The following B3GALT1 variants were observed in gnomAD, a reference collection of about 807,000 sequenced individuals.
B3GALT1 encodes beta-1,3-galactosyltransferase 1, also known as UDP-Gal:betaGlcNAc beta 1,3-galactosyltransferase, polypeptide 1.
In B3GALT1, 10 loss-of-function variants were observed where a neutral mutation model predicts 23.2. The ratio of observed to expected loss-of-function variants is 0.43; its 90% CI spans 0.27 to 0.73. The LOEUF is 0.73. B3GALT1 is among the 30% of genes least tolerant of loss of function. The probability of loss-of-function intolerance (pLI) is 0.21; values close to 1 mark genes in which losing one functional copy is unlikely to be tolerated. For missense variants in B3GALT1, 299 were observed against 405.4 expected (o/e 0.74, Z 2.25); for synonymous variants, 156 against 141.5 (o/e 1.10, Z -0.73).
chr2:167,646,593 A>C (rs974225961), intron 2 of B3GALT1, among the ~76,000 whole-genome samples: 1 of 152,222 alleles, frequency 6.6e-6, no homozygotes, highest in Non-Finnish European at 1.5e-5. Flanking sequence ...ACAGCAGTGG[A>C]AAATCAGATA....
chr2:167,440,626 A>T (rs1008444700), intron 1 of B3GALT1, among the ~76,000 whole-genome samples: 1 of 151,950 alleles, frequency 6.6e-6, no homozygotes, highest in African/African-American at 2.4e-5. Flanking sequence ...TTCTGAATTT[A>T]GCTTAGCTAT....
chr2:167,465,209 TTTATC>T (rs1174763712), intron 1 of B3GALT1, among the ~76,000 whole-genome samples: 1 of 152,204 alleles, frequency 6.6e-6, no homozygotes, highest in African/African-American at 2.4e-5. Flanking sequence ...TTTATTTTAT[TTTATC>T]TTATTTTATT....
chr2:167,571,569 G>A (rs1684294219), intron 2 of B3GALT1, among the ~76,000 whole-genome samples: 2 of 151,972 alleles, frequency 1.3e-5, no homozygotes, highest in Non-Finnish European at 2.9e-5. Context: ...GAGGGGTGCT[G>A]CAGAGTTCCC....
chr2:167,492,215 A>G (rs1372098918), intron 2 of B3GALT1, among the ~76,000 whole-genome samples: 3 of 152,172 alleles, frequency 2.0e-5, no homozygotes, highest in Non-Finnish European at 4.4e-5. Context: ...AGAATGACAT[A>G]TAGTTGGAAT....
intron 1 of B3GALT1, among the ~76,000 whole-genome samples, chr2:167,351,773 A>C (rs1344258301): frequency 6.6e-6 from 1 of 152,124 alleles, no homozygotes; most frequent in East Asian, 1.9e-4. Context: ...GCCTCCCTCC[A>C]TTATTTGAAA....
intron 2 of B3GALT1, among the ~76,000 whole-genome samples, chr2:167,640,630 T>C (rs1275219797): frequency 6.6e-6 from 1 of 152,140 alleles, no homozygotes; most frequent in Non-Finnish European, 1.5e-5. Context: ...GGACCAGGTA[T>C]ATCCCATAGC....
At chr2:167,370,142 A>G (rs1043457162) in intron 1 of B3GALT1, among the ~76,000 whole-genome samples, 23 of 152,254 alleles carry the variant, frequency 1.5e-4, no homozygotes, top group Non-Finnish European at 2.8e-4. Context: ...GTGTATTCTC[A>G]TTGCTTGTAT....
At chr2:167,354,842 T>A (rs1574045888) in intron 1 of B3GALT1, among the ~76,000 whole-genome samples, 1 of 152,228 alleles carries the variant, frequency 6.6e-6, no homozygotes, top group Admixed American at 6.5e-5. Flanking sequence ...ATTTATTGTC[T>A]TCCTGCGCAG....
At chr2:167,663,752 A>G (rs1234811462) in intron 3 of B3GALT1, among the ~76,000 whole-genome samples, 1 of 152,064 alleles carries the variant, frequency 6.6e-6, no homozygotes, top group Non-Finnish European at 1.5e-5. Flanking sequence ...GGCTGCATAA[A>G]TGTCTTCTTT....
rs1207331983 is a variant in B3GALT1 at position 167,352,268 on chromosome 2, GT to G, written c.-511+58945del. 2.2e-4 allele frequency among the ~76,000 whole-genome samples: 7 copies of G among 32,324 alleles called. 1 individual carries two copies. The highest frequency in any genetic ancestry group is 3.2e-3 in the South Asian group (2 of 620). The allele number at this position is 32,324 out of a possible 152,430, so 21.2% of individuals were successfully genotyped here. A position where few individuals can be genotyped will look rare whatever the true frequency, so the allele number is the denominator to read the frequency against. ...AGGTGTGAGCCACCATGCCTGGCCT[GT>G]TTTTTTTTTTGTTTTTTTTTTTTTA... is the stretch of plus-strand genomic sequence containing the variant. On this transcript the variant is annotated intron_variant, in intron 1 of 4. Transcript: ENST00000392690.
At chr2:167,534,356 T>C (rs533974540) in intron 2 of B3GALT1, among the ~76,000 whole-genome samples, 1 of 152,270 alleles carries the variant, frequency 6.6e-6, no homozygotes, top group Admixed American at 6.5e-5. Context: ...TTTCTTCATA[T>C]CTGTTATCTA....
chr2:167,637,207 T>C (rs777036158), intron 2 of B3GALT1, among the ~76,000 whole-genome samples: 1 of 151,926 alleles, frequency 6.6e-6, no homozygotes, highest in Non-Finnish European at 1.5e-5. Flanking sequence ...GTGGTGCACG[T>C]ATGTGGTGCT....
At chr2:167,800,291 C>T (rs1428360080) in intron 3 of B3GALT1, among the ~76,000 whole-genome samples, 4 of 152,126 alleles carry the variant, frequency 2.6e-5, no homozygotes, top group Non-Finnish European at 5.9e-5. Context: ...GCTCAGCATC[C>T]TTGTATGATG....
intron 3 of B3GALT1, among the ~76,000 whole-genome samples, chr2:167,762,085 A>G (rs572421826): frequency 1.3e-5 from 2 of 152,186 alleles, no homozygotes; most frequent in African/African-American, 2.4e-5. Context: ...AAATATATGT[A>G]GATAGGGAAA....
intron 1 of B3GALT1, among the ~76,000 whole-genome samples, chr2:167,320,387 A>T (rs1052095533): frequency 1.3e-5 from 2 of 151,846 alleles, no homozygotes; most frequent in African/African-American, 4.8e-5. Context: ...GAGGGGTTTC[A>T]CCATGTTGCT....
intron 3 of B3GALT1, among the ~76,000 whole-genome samples, chr2:167,802,426 AAAGT>A (rs1250913347): frequency 6.6e-6 from 1 of 152,328 alleles, no homozygotes; most frequent in East Asian, 1.9e-4. Flanking sequence ...TTTAAATTAT[AAAGT>A]AATATTTGAA....
chr2:167,579,683 C>A (rs1451376571), intron 2 of B3GALT1, among the ~76,000 whole-genome samples: 1 of 151,986 alleles, frequency 6.6e-6, no homozygotes. Context: ...TAATTGGAAG[C>A]CATTCCCTCT....
Position 167,735,267 on chromosome 2 carries a change from CT to C in B3GALT1, c.-351-83399del, listed in dbSNP as rs575362396. Among the ~76,000 whole-genome samples, 342 of 152,298 alleles carry C rather than the reference CT, an allele frequency of 2.2e-3. 2 individuals are homozygous for C. Among genetic ancestry groups the C allele is most frequent in the Non-Finnish European group, 3.8e-3 (261 of 68,020 alleles). Reference sequence around the variant, plus strand: ...GAGCCCCTGGTTATATCAAATTCTGCTTTTTTGTTACTTTGGACTTGCCAAT... The same window carrying C: ...GAGCCCCTGGTTATATCAAATTCTGCTTTTTGTTACTTTGGACTTGCCAAT... On this transcript the variant is annotated intron_variant, in intron 3 of 4. Transcript: ENST00000392690.
At chr2:167,720,116 A>G (rs997617554) in intron 3 of B3GALT1, among the ~76,000 whole-genome samples, 1 of 152,158 alleles carries the variant, frequency 6.6e-6, no homozygotes, top group South Asian at 2.1e-4. Flanking sequence ...TTTTTACATA[A>G]TGGGCTTTCT....
Sources: allele counts gnomAD v4.1 joint callset (sites outside exome capture counted in the v4.1 genomes callset), GRCh38; gene constraint gnomAD v4.1.1; transcripts MANE v1.5; gene names NCBI Gene and HGNC (gene_info 2026-07-23, HGNC 2026-07-21).